ZFHX3: variants seen among roughly 807,000 people sequenced by gnomAD.
ZFHX3 encodes zinc finger homeobox protein 3.
Under a neutral mutation model 279.1 loss-of-function variants are expected in ZFHX3, and 42 were observed. The observed-to-expected ratio is 0.15, with a 90% CI of 0.12 to 0.19. ZFHX3 has a LOEUF of 0.19. Ranked by LOEUF, ZFHX3 falls within the 10% of genes least tolerant of loss-of-function variation. The probability of loss-of-function intolerance (pLI) is 1.00; values close to 1 mark genes in which losing one functional copy is unlikely to be tolerated. For synonymous variants in ZFHX3, 2,293 were observed against 1,957.8 expected, an observed-to-expected ratio of 1.17 and a Z score of -4.52; for missense variants, 4,981 against 4,754.0, an observed-to-expected ratio of 1.05 and a Z score of -1.40.
intron 8 of ZFHX3, among the ~76,000 whole-genome samples, chr16:73,086,832 G>A (rs946686621): frequency 6.6e-6 from 1 of 152,184 alleles, no homozygotes; most frequent in African/African-American, 2.4e-5. Context: ...GAGTCCAGGA[G>A]GTTGAGGCTG....
intron 1 of ZFHX3, among the ~76,000 whole-genome samples, chr16:73,835,731 A>G (rs781134298): frequency 4.6e-5 from 7 of 152,052 alleles, no homozygotes; most frequent in Non-Finnish European, 7.4e-5. Context: ...TCGGCCTTCC[A>G]GAGTGCTGGG....
chr16:73,440,010 C>A (rs1174743727), intron 3 of ZFHX3, among the ~76,000 whole-genome samples: 1 of 147,952 alleles, frequency 6.8e-6, no homozygotes, highest in African/African-American at 2.5e-5. Context: ...GATGGAGGAA[C>A]ACGCATGGCT....
At chr16:73,524,686 C>T (rs1043272309) in intron 2 of ZFHX3, among the ~76,000 whole-genome samples, 10 of 152,168 alleles carry the variant, frequency 6.6e-5, no homozygotes, top group African/African-American at 2.2e-4. Context: ...CTGATGCAGC[C>T]CTGGCCTTCC....
At chr16:72,882,878 G>T (rs2038517003) in intron 4 of ZFHX3, among the ~76,000 whole-genome samples, 1 of 151,988 alleles carries the variant, frequency 6.6e-6, no homozygotes, top group African/African-American at 2.4e-5. Context: ...CTCCAAGATG[G>T]CTTTCCAGAA....
At chr16:72,911,061 C>T (rs2039304816) in intron 3 of ZFHX3, among the ~76,000 whole-genome samples, 1 of 152,148 alleles carries the variant, frequency 6.6e-6, no homozygotes, top group Non-Finnish European at 1.5e-5. Context: ...TGTGCTACTC[C>T]GTGAATAACC....
At chr16:73,015,924 C>G (rs773819641) in intron 1 of ZFHX3, 2 of 152,240 alleles carry the variant, frequency 1.3e-5, no homozygotes, top group Non-Finnish European at 2.9e-5. Context: ...GGGTTTTACA[C>G]ACCATACGGG....
intron 1 of ZFHX3, among the ~76,000 whole-genome samples, chr16:72,972,781 C>T (rs1029799707): frequency 1.3e-5 from 2 of 152,090 alleles, no homozygotes; most frequent in South Asian, 2.1e-4. Context: ...AATCTTCCCC[C>T]ACTTCACTTC....
intron 2 of ZFHX3, among the ~76,000 whole-genome samples, chr16:73,533,008 T>C (rs532143878): frequency 6.6e-6 from 1 of 152,354 alleles, no homozygotes; most frequent in African/African-American, 2.4e-5. Context: ...CTGTTCTTTA[T>C]AAATTACCCA....
At chr16:73,159,034 G>A (rs1436922208) in intron 5 of ZFHX3, among the ~76,000 whole-genome samples, 1 of 152,130 alleles carries the variant, frequency 6.6e-6, no homozygotes, top group East Asian at 1.9e-4. Flanking sequence ...GATTTCATGA[G>A]GAAGATGCCA....
intron 3 of ZFHX3, among the ~76,000 whole-genome samples, chr16:73,389,539 T>C (rs2016969243): frequency 6.6e-6 from 1 of 152,238 alleles, no homozygotes; most frequent in Non-Finnish European, 1.5e-5. Context: ...GTCCTACTTA[T>C]GGCCTAGTAC....
chr16:72,961,740 T>A (rs1429018994), intron 1 of ZFHX3, among the ~76,000 whole-genome samples: 1 of 152,198 alleles, frequency 6.6e-6, no homozygotes, highest in African/African-American at 2.4e-5. Context: ...AAATAACTTT[T>A]TGGAAGAATA....
At chr16:72,852,004 A>AAT (rs1175197175) in intron 4 of ZFHX3, among the ~76,000 whole-genome samples, 1 of 152,222 alleles carries the variant, frequency 6.6e-6, no homozygotes, top group African/African-American at 2.4e-5. Context: ...TTTTCACTTA[A>AAT]TGGAAGACTC....
chr16:73,243,638 G>T (rs2013191109), intron 5 of ZFHX3, among the ~76,000 whole-genome samples: 1 of 152,128 alleles, frequency 6.6e-6, no homozygotes, highest in Non-Finnish European at 1.5e-5. Flanking sequence ...TGACGGTAAA[G>T]GCTAAATTGT....
intron 1 of ZFHX3, among the ~76,000 whole-genome samples, chr16:73,876,756 C>G (rs1266256306): frequency 6.6e-6 from 1 of 152,106 alleles, no homozygotes; most frequent in Non-Finnish European, 1.5e-5. Flanking sequence ...ATTTCTCTTA[C>G]TTTTCTTAAC....
chr16:72,960,793 T>C (rs2144464810), intron 1 of ZFHX3, among the ~76,000 whole-genome samples: 1 of 152,056 alleles, frequency 6.6e-6, no homozygotes, highest in South Asian at 2.1e-4. Context: ...AGAAGGCGGG[T>C]GAGGACCCTG....
At chr16:72,941,446 GC>G in intron 3 of ZFHX3, among the ~76,000 whole-genome samples, 1 of 152,282 alleles carries the variant, frequency 6.6e-6, no homozygotes, top group Admixed American at 6.5e-5. Flanking sequence ...AAATTTCTAG[GC>G]TATCCAGAGG....
chr16:72,825,201 A>G (rs1360577214), intron 5 of ZFHX3, among the ~76,000 whole-genome samples: 3 of 152,232 alleles, frequency 2.0e-5, no homozygotes, highest in Non-Finnish European at 2.9e-5. Context: ...GTCTTTCCAC[A>G]TCACCATCCC....
At chr16:73,350,548 C>A (rs2016220638) in intron 3 of ZFHX3, among the ~76,000 whole-genome samples, 1 of 152,202 alleles carries the variant, frequency 6.6e-6, no homozygotes, top group Non-Finnish European at 1.5e-5. Context: ...CCCTACACAA[C>A]TTCAGGCATG....
intron 2 of ZFHX3, among the ~76,000 whole-genome samples, chr16:73,491,727 A>G (rs1336500079): frequency 6.6e-6 from 1 of 152,122 alleles, no homozygotes; most frequent in Non-Finnish European, 1.5e-5. Context: ...ACAAAATTGC[A>G]CTTAGCAGTG....
Sources: gnomAD v4.1 joint callset for allele counts (sites outside exome capture counted in the v4.1 genomes callset) on GRCh38, gnomAD v4.1.1 for gene constraint, MANE v1.5 for transcripts, NCBI Gene and HGNC (gene_info 2026-07-23, HGNC 2026-07-21) for gene names.